The following PPRC1 variants were observed in gnomAD, a reference collection of about 807,000 sequenced individuals.
The protein encoded by PPRC1 is PPARG related coactivator 1.
PPRC1 carries 23 observed loss-of-function variants against 132.5 expected under a neutral mutation model. The observed-to-expected ratio is 0.17, with a 90% CI of 0.12 to 0.25. The LOEUF (loss-of-function observed/expected upper bound fraction) is 0.25. Among genes scored for constraint, PPRC1 ranks in the 10% least tolerant of loss-of-function variants. PPRC1 has a pLI of 1.00. For synonymous variants in PPRC1, 872 were observed against 833.5 expected (o/e 1.05, Z -0.80); for missense variants, 2,006 against 2,089.1 (o/e 0.96, Z 0.78).
Position 102,148,423 on chromosome 10 carries a change from G to A in PPRC1, c.4452G>A (p.Ser1484=), listed in dbSNP as rs558136788. ...GRSRRCSSSS[S]SSSSSSSSSS... ...CTCGAAGATGCTCTTCCTCTTCTTC[G>A]TCATCATCTTCCTCTTCGTCTTCCT... The change falls in exon 10 of 14, where the codon TCG becomes TCA. Residue 1484 remains serine, a synonymous_variant. Coordinates refer to ENST00000278070, the MANE Select transcript of PPRC1 (RefSeq NM_015062.5). The surrounding 1 kb of genome is among the most constrained non-coding windows in gnomAD (Gnocchi z 4.2). 11 of 1,611,940 alleles carry A rather than the reference G, an allele frequency of 6.8e-6. No homozygotes were observed. The highest frequency in any genetic ancestry group is 2.7e-5 in the African/African-American group (2 of 74,918).
upstream of PPRC1, among the ~76,000 whole-genome samples, chr10:102,132,671 CCCCACTTGGA>C (rs1186890096): frequency 3.9e-5 from 6 of 152,200 alleles, no homozygotes; most frequent in Non-Finnish European, 8.8e-5. Context: ...GCCCACTTGG[CCCCACTTGGA>C]CTAAGGTGAA....
Position 102,147,014 on chromosome 10 carries a change from C to A in PPRC1, c.4022C>A (p.Ala1341Asp). ...IKPVLSLGPA[A>D]PPPPCIAASR... ...CCTGTCTTGTCCTTGGGCCCAGCTG[C>A]CCCTCCGCCCCCATGCATAGCTGCC... Residue 1341 changes from alanine (A) to aspartate (D), a missense_variant, in exon 9 of 14, where the codon GCC becomes GAC. This residue lies in a region of PPRC1 where 1,914 missense variants were observed against 1,917.2 expected (regional missense o/e 1.00). Coordinates refer to ENST00000278070, the MANE Select transcript of PPRC1 (RefSeq NM_015062.5). 6.2e-7 allele frequency: 1 copy of A among 1,614,166 alleles called. No homozygotes were observed. Among genetic ancestry groups the A allele is most frequent in the Non-Finnish European group, 8.5e-7 (1 of 1,180,000 alleles).
chr10:102,134,318 G>C (rs1475055855), intron 1 of PPRC1, among the ~76,000 whole-genome samples: 1 of 152,088 alleles, frequency 6.6e-6, no homozygotes, highest in African/African-American at 2.4e-5. Context: ...AGTTGGAGGC[G>C]GTTTGAGAAC....
the PPRC1 span, among the ~76,000 whole-genome samples, chr10:102,121,436 A>G: frequency 6.6e-6 from 1 of 151,942 alleles, no homozygotes; most frequent in East Asian, 1.9e-4. Flanking sequence ...TGGATGGGAG[A>G]TGATGTGGAT....
At position 102,133,187 on chromosome 10, in the gene PPRC1, A is replaced by G. The variant is rs536982329; in HGVS notation, c.119A>G (p.Tyr40Cys). ...TGGGGAAGTCGAAGCCAAGCGCCGTATGGGACTTTGGGCGCTGTGAGCGGC... is the reference window on the plus strand; with the variant it reads ...TGGGGAAGTCGAAGCCAAGCGCCGTGTGGGACTTTGGGCGCTGTGAGCGGC... ...SGWGSRSQAP[Y>C]GTLGAVSGGE... is the part of the protein sequence containing the mutation. The change falls in exon 1 of 14, where the codon TAT (tyrosine) becomes TGT (cysteine). Residue 40 changes from tyrosine (Y) to cysteine (C), a missense_variant. By Grantham distance (194) the Tyr-to-Cys change is radical. Coordinates refer to ENST00000278070, the MANE Select transcript of PPRC1 (RefSeq NM_015062.5). The G allele has an allele frequency of 2.3e-6, 3 of 1,279,680 alleles. No individual in the cohort carries two copies. Among genetic ancestry groups the G allele is most frequent in the African/African-American group, 1.5e-5 (1 of 65,934 alleles). 79.3% of individuals were successfully genotyped at this position (1,279,680 alleles called of 1,614,324 possible).
rs2068759875 is a variant in PPRC1, at chr10:102,137,225, G to A, written c.154-625G>A. The stretch of plus-strand genomic sequence containing the variant: ...GTGGTGGTGGGCGCCTATAATCCCA[G>A]CTGCTCCGGAGGCTGAGGCAGGAGA... On this transcript the variant is annotated intron_variant, in intron 1 of 13. Transcript: ENST00000278070. 2.6e-5 allele frequency among the ~76,000 whole-genome samples: 4 copies of A among 152,172 alleles called. 1 individual carries two copies. In the South Asian group the frequency reaches 6.2e-4, roughly 24 times the overall value.
chr10:102,147,039 C>G lies in PPRC1; in HGVS notation c.4047C>G (p.Ala1349=), dbSNP rs774458110. 10 of 1,614,186 alleles carry G rather than the reference C, an allele frequency of 6.2e-6. No homozygotes were observed. Among genetic ancestry groups the G allele is most frequent in the Non-Finnish European group, 8.5e-6 (10 of 1,180,024 alleles). ...PAAPPPPCIA[A]SREPLDHRTS... ...CCCCTCCGCCCCCATGCATAGCTGCCTCCCGGGAGCCGCTTGATCACAGGA... is the reference window on the plus strand; with the variant it reads ...CCCCTCCGCCCCCATGCATAGCTGCGTCCCGGGAGCCGCTTGATCACAGGA... The change falls in exon 9 of 14, where the codon GCC becomes GCG. Residue 1349 remains alanine, a synonymous_variant. Transcript: ENST00000278070.
intron 6 of PPRC1, among the ~76,000 whole-genome samples, chr10:102,143,411 C>T (rs1253859044): frequency 6.6e-6 from 1 of 151,938 alleles, no homozygotes; most frequent in Non-Finnish European, 1.5e-5. Context: ...CCAGCCTGGC[C>T]AACATGGTGA....
At chr10:102,130,855 A>G (rs201521447), upstream of PPRC1, among the ~76,000 whole-genome samples, 4 of 152,126 alleles carry the variant, frequency 2.6e-5, no homozygotes, top group Non-Finnish European at 5.9e-5. Context: ...GAGTTGGAGA[A>G]CAGCCTGGGC....
upstream of PPRC1, among the ~76,000 whole-genome samples, chr10:102,130,266 A>T (rs1303369760): frequency 6.6e-6 from 1 of 151,844 alleles, no homozygotes; most frequent in East Asian, 1.9e-4. Flanking sequence ...TATACAAAAA[A>T]ATTAGCCAGG....
the PPRC1 span, among the ~76,000 whole-genome samples, chr10:102,127,036 T>A: frequency 5.8e-5 from 3 of 51,876 alleles, no homozygotes; most frequent in Non-Finnish European, 1.2e-4. Flanking sequence ...TATATATATA[T>A]ATATATATAT....
In PPRC1 at chr10:102,141,866, G is replaced by T. The variant is rs2068997133; in HGVS notation, c.3358G>T (p.Ala1120Ser). 4.3e-6 allele frequency: 7 copies of T among 1,614,012 alleles called. No individual in the cohort carries two copies. Among genetic ancestry groups the T allele is most frequent in the Non-Finnish European group, 5.9e-6 (7 of 1,180,018 alleles). ...REKPPLPATK[A>S]VPTPRQSTVP... ...GAAGCCCCCCTTGCCTGCTACCAAG[G>T]CTGTTCCCACACCAAGGCAGAGCAC... is the stretch of plus-strand genomic sequence containing the variant. Residue 1120 changes from alanine to serine, a missense_variant, in exon 5 of 14, where the codon GCT (alanine) becomes TCT (serine). By Grantham distance (99) the Ala-to-Ser change is moderately conservative. Transcript: ENST00000278070.
At chr10:102,134,010 G>A (rs902064844) in intron 1 of PPRC1, among the ~76,000 whole-genome samples, 1 of 152,032 alleles carries the variant, frequency 6.6e-6, no homozygotes, top group Non-Finnish European at 1.5e-5. Context: ...AGAGGGCTGA[G>A]GCTGAAGGGT....
In PPRC1 at chr10:102,141,385, C is replaced by T. The variant is rs773710340; in HGVS notation, c.2877C>T (p.Cys959=). 17 of 1,614,096 alleles carry T rather than the reference C, an allele frequency of 1.1e-5. No homozygotes were observed. Among genetic ancestry groups the T allele is most frequent in the Non-Finnish European group, 1.2e-5 (14 of 1,180,026 alleles). ...GTGCCTATGCCGTGCCTCCCACTTGCAGTGTGCCTTGGGCACCCCCTCCTG... is the reference window on the plus strand; with the variant it reads ...GTGCCTATGCCGTGCCTCCCACTTGTAGTGTGCCTTGGGCACCCCCTCCTG... ...TPGAYAVPPT[C]SVPWAPPPAP... is the part of the protein sequence containing the mutation. The change falls in exon 5 of 14, where the codon TGC becomes TGT. Residue 959 remains cysteine (C), a synonymous_variant. Coordinates refer to ENST00000278070, the MANE Select transcript of PPRC1 (RefSeq NM_015062.5).
In PPRC1 at chr10:102,141,006, C is replaced by T. The variant is rs368147299; in HGVS notation, c.2498C>T (p.Pro833Leu). 3.7e-6 allele frequency: 6 copies of T among 1,614,016 alleles called. No homozygotes were observed. In the African/African-American group the frequency reaches 4.0e-5, roughly 11 times the overall value. The change falls in exon 5 of 14, where the codon CCA (proline) becomes CTA (leucine). Residue 833 changes from proline (P) to leucine (L), a missense_variant. Pro to Leu is a moderately conservative substitution (Grantham distance 98). Coordinates refer to ENST00000278070, the MANE Select transcript of PPRC1 (RefSeq NM_015062.5). ...AGCCCTGCTTCTCCTAGTCCTGAGC[C>T]ACCTGTAAGCAAACCTGTGGCCTCA... Reference protein sequence around the residue: ...GPSPASPSPEPPVSKPVASSP... With the variant: ...GPSPASPSPELPVSKPVASSP...
At chr10:102,120,362 AGTGT>A in the PPRC1 span, 7 of 982,992 alleles carry the variant, frequency 7.1e-6, no homozygotes, top group Non-Finnish European at 7.2e-6. Flanking sequence ...GAGTCCGCGG[AGTGT>A]GTGTCCGTGT....
chr10:102,148,868 T>A lies in PPRC1; in HGVS notation c.4669T>A (p.Ser1557Thr). Residue 1557 changes from serine to threonine, a missense_variant, in exon 12 of 14, where the codon TCA (serine) becomes ACA (threonine). Ser to Thr is a moderately conservative substitution (Grantham distance 58). Coordinates refer to ENST00000278070, the MANE Select transcript of PPRC1 (RefSeq NM_015062.5). The surrounding 1 kb of genome is among the most constrained non-coding windows in gnomAD (Gnocchi z 4.2). ...AAAGATACCTGGCCGCATGACTCGA[T>A]CAGAGCTGAAACAGAGGTTCTCCGT... is the stretch of plus-strand genomic sequence containing the variant. ...IGKIPGRMTR[S>T]ELKQRFSVFG... is the part of the protein sequence containing the mutation. 6.2e-7 allele frequency: 1 copy of A among 1,614,152 alleles called. No homozygotes were observed. Among genetic ancestry groups the A allele is most frequent in the Non-Finnish European group, 8.5e-7 (1 of 1,180,014 alleles).
rs925278916 is a variant in PPRC1 at position 102,150,068 on chromosome 10, G to A, written c.*39G>A. The A allele has an allele frequency of 2.6e-5, 39 of 1,511,016 alleles. No homozygotes were observed. Among genetic ancestry groups the A allele is most frequent in the Non-Finnish European group, 3.4e-5 (37 of 1,086,446 alleles). 93.6% of individuals were successfully genotyped at this position (1,511,016 alleles called of 1,614,324 possible). A position where few individuals can be genotyped will look rare whatever the true frequency, so the allele number is the denominator to read the frequency against. ...CCTGCTATCCTTTTTCTCCTTTGGA[G>A]GTGCCCAACCTCCTCCACCCCCTTC... is the stretch of plus-strand genomic sequence containing the variant. On this transcript the variant is annotated 3_prime_UTR_variant, in exon 14 of 14. Coordinates refer to ENST00000278070, the MANE Select transcript of PPRC1 (RefSeq NM_015062.5).
chr10:102,147,135 A>T lies in PPRC1; in HGVS notation c.4143A>T (p.Ser1381=). The stretch of plus-strand genomic sequence containing the variant: ...CCAGCTTGCTGTCCCCTGAGGCCTC[A>T]CCCTGCCGGAATGACATGAACACTA... ...APSSLLSPEA[S]PCRNDMNTRT... Residue 1381 remains serine, a synonymous_variant, in exon 9 of 14, where the codon TCA becomes TCT. Coordinates refer to ENST00000278070, the MANE Select transcript of PPRC1 (RefSeq NM_015062.5). 6.2e-7 allele frequency: 1 copy of T among 1,613,958 alleles called. No homozygotes were observed. Among genetic ancestry groups the T allele is most frequent in the Non-Finnish European group, 8.5e-7 (1 of 1,180,002 alleles).
Sources: allele counts gnomAD v4.1 joint callset (sites outside exome capture counted in the v4.1 genomes callset), GRCh38; gene constraint gnomAD v4.1.1; regional missense constraint gnomAD v4.1.1; non-coding constraint Gnocchi (gnomAD v3.1); transcripts MANE v1.5; gene names NCBI Gene and HGNC (gene_info 2026-07-23, HGNC 2026-07-21).